The following PCDH15 variants were observed in gnomAD, a reference collection of about 807,000 sequenced individuals.
PCDH15 encodes protocadherin related 15, also known as protocadherin-15.
A neutral mutation model predicts 178.5 loss-of-function variants in PCDH15; 129 were observed. The ratio of observed to expected loss-of-function variants is 0.72; its 90% CI spans 0.63 to 0.84. The LOEUF (loss-of-function observed/expected upper bound fraction) is 0.84. Ranked by LOEUF, PCDH15 falls within the 40% of genes least tolerant of loss-of-function variation. PCDH15 has a pLI of 0.00. For synonymous variants in PCDH15, 800 were observed against 732.0 expected (o/e 1.09, Z -1.50); for missense variants, 2,230 against 2,099.9 (o/e 1.06, Z -1.21).
intron 3 of PCDH15, among the ~76,000 whole-genome samples, chr10:54,875,988 AGAG>A (rs1463771986): frequency 5.3e-5 from 8 of 152,200 alleles, no homozygotes; most frequent in Admixed American, 3.3e-4. Flanking sequence ...CTTATAGATA[AGAG>A]GAGAAGTCAA....
At chr10:54,818,488 C>G (rs1252011902) in intron 3 of PCDH15, among the ~76,000 whole-genome samples, 1 of 151,950 alleles carries the variant, frequency 6.6e-6, no homozygotes, top group African/African-American at 2.4e-5. Context: ...GAGGAAGTGA[C>G]TGTAATTTCT....
At chr10:53,875,082 A>G (rs1185657596) in intron 26 of PCDH15, among the ~76,000 whole-genome samples, 1 of 152,064 alleles carries the variant, frequency 6.6e-6, no homozygotes, top group Non-Finnish European at 1.5e-5. Flanking sequence ...TAGAATGAAA[A>G]TTTTGGCAAA....
chr10:53,953,343 G>A lies in PCDH15; in HGVS notation c.3122+6389C>T, dbSNP rs1424239111. Among the ~76,000 whole-genome samples the A allele has an allele frequency of 3.3e-5, 5 of 152,318 alleles. No homozygotes were observed. In the East Asian group the frequency reaches 9.7e-4, roughly 29 times the overall value. ...CTAAGTGACTCCATAAAAGATTGAT[G>A]TGAAAAGGTCAAGAAATTAACAAAA... On this transcript the variant is annotated intron_variant, in intron 23 of 37. Coordinates refer to ENST00000644397, the MANE Select transcript of PCDH15 (RefSeq NM_001384140.1).
intron 29 of PCDH15, among the ~76,000 whole-genome samples, chr10:53,837,277 G>A (rs989127426): frequency 6.6e-6 from 1 of 151,914 alleles, no homozygotes; most frequent in Admixed American, 6.6e-5. Context: ...ACAAAAAAAT[G>A]CAGCTCCAAA....
intron 8 of PCDH15, among the ~76,000 whole-genome samples, chr10:54,264,780 A>C (rs1238904431): frequency 2.0e-5 from 3 of 152,194 alleles, no homozygotes; most frequent in Admixed American, 6.5e-5. Flanking sequence ...AACCAATTCT[A>C]CAACTTATTG....
At chr10:54,670,491 T>A (rs985484022) in intron 1 of PCDH15, among the ~76,000 whole-genome samples, 3 of 152,134 alleles carry the variant, frequency 2.0e-5, no homozygotes, top group African/African-American at 7.2e-5. Context: ...GTTTTCTTTT[T>A]GGGGAATACT....
intron 2 of PCDH15, among the ~76,000 whole-genome samples, chr10:55,619,047 C>T (rs1002389939): frequency 1.3e-5 from 2 of 152,036 alleles, no homozygotes; most frequent in Non-Finnish European, 2.9e-5. Context: ...ACTGTGTCAA[C>T]ACTGTACTGT....
At chr10:54,597,394 A>T (rs1309516311) in intron 2 of PCDH15, among the ~76,000 whole-genome samples, 1 of 152,160 alleles carries the variant, frequency 6.6e-6, no homozygotes, top group East Asian at 1.9e-4. Flanking sequence ...GTATTTTGAA[A>T]TTAGTGAGAA....
intron 21 of PCDH15, among the ~76,000 whole-genome samples, chr10:53,975,027 T>C (rs569881123): frequency 1.4e-4 from 22 of 152,326 alleles, no homozygotes; most frequent in Non-Finnish European, 3.1e-4. Context: ...AGTGAAAACA[T>C]GCAGTATTTG....
chr10:54,524,602 T>TA lies in PCDH15; in HGVS notation c.157+3209dup, dbSNP rs149770336. 9.1e-4 allele frequency among the ~76,000 whole-genome samples: 138 copies of TA among 152,288 alleles called. 2 individuals carry two copies. The East Asian group carries it at 0.017, about 19-fold the overall frequency. ...TAAGGCTTCAATGCTATAAGCAACT[T>TA]AGAGTCAAGAGAAACTAGAAAATAT... On this transcript the variant is annotated intron_variant, in intron 3 of 37. Coordinates refer to ENST00000644397, the MANE Select transcript of PCDH15 (RefSeq NM_001384140.1).
chr10:54,124,093 C>T (rs73239958), intron 15 of PCDH15, among the ~76,000 whole-genome samples: 4,472 of 152,064 alleles, frequency 0.029, 243 homozygotes, highest in African/African-American at 0.1. Flanking sequence ...AATTGTACCC[C>T]AAACATCAGC....
chr10:54,219,047 A>G (rs1277943589), intron 9 of PCDH15, among the ~76,000 whole-genome samples: 1 of 147,590 alleles, frequency 6.8e-6, no homozygotes, highest in Non-Finnish European at 1.5e-5. Context: ...AGGTCAGGAG[A>G]TCGAGACCAT....
In PCDH15 at chr10:55,192,721, ATC is replaced by A. The variant is rs142101115; in HGVS notation, c.-155-26072_-155-26071del. Among the ~76,000 whole-genome samples, 863 of 146,060 alleles carry A rather than the reference ATC, an allele frequency of 5.9e-3. 14 individuals are homozygous for A. Among genetic ancestry groups the A allele is most frequent in the African/African-American group, 0.019 (772 of 40,832 alleles). ...AATTCTGAGTTTCATAGATGAAAGA[ATC>A]TCTCTCTCTCTCTCTCTCTATATAT... On this transcript the variant is annotated intron_variant, in intron 1 of 5. Transcript: ENST00000458638.
At chr10:55,092,996 T>C (rs1284744897) in intron 2 of PCDH15, among the ~76,000 whole-genome samples, 2 of 152,086 alleles carry the variant, frequency 1.3e-5, no homozygotes, top group Admixed American at 1.3e-4. Flanking sequence ...TGTGAGATGC[T>C]ATTAATAAAT....
chr10:55,084,827 C>T (rs760204972), intron 2 of PCDH15, among the ~76,000 whole-genome samples: 1 of 151,930 alleles, frequency 6.6e-6, no homozygotes. Flanking sequence ...TGAAAAAGTG[C>T]TCAACATCAC....
At chr10:55,437,096 A>G (rs1295229120) in intron 2 of PCDH15, among the ~76,000 whole-genome samples, 1 of 152,194 alleles carries the variant, frequency 6.6e-6, no homozygotes, top group African/African-American at 2.4e-5. Context: ...GACTATAATG[A>G]TGGTCATACA....
At chr10:54,220,693 C>T (rs1330395148) in intron 9 of PCDH15, among the ~76,000 whole-genome samples, 2 of 151,852 alleles carry the variant, frequency 1.3e-5, no homozygotes, top group Non-Finnish European at 1.5e-5. Context: ...GGCGTGGTGG[C>T]GGGCGCCTGT....
intron 2 of PCDH15, among the ~76,000 whole-genome samples, chr10:55,553,359 A>G (rs1589133917): frequency 6.6e-6 from 1 of 151,864 alleles, no homozygotes; most frequent in Non-Finnish European, 1.5e-5. Flanking sequence ...TTCATTAAAC[A>G]TAAACTTTCT....
chr10:54,041,183 T>C (rs1298592914), intron 18 of PCDH15, among the ~76,000 whole-genome samples: 4 of 152,124 alleles, frequency 2.6e-5, no homozygotes, highest in Admixed American at 1.3e-4. Context: ...GCACAAAATG[T>C]GCCTTGTTCA....
Sources: gnomAD v4.1 joint callset for allele counts (sites outside exome capture counted in the v4.1 genomes callset) on GRCh38, gnomAD v4.1.1 for gene constraint, MANE v1.5 for transcripts, NCBI Gene and HGNC (gene_info 2026-07-23, HGNC 2026-07-21) for gene names.